The following SMARCC1 variants were observed in gnomAD, a reference collection of about 807,000 sequenced individuals.
The protein encoded by SMARCC1 is SWI/SNF complex subunit SMARCC1.
Under a neutral mutation model 147.4 loss-of-function variants are expected in SMARCC1, and 43 were observed. That is an observed-to-expected ratio of 0.29 (90% CI 0.23 to 0.38). SMARCC1 has a LOEUF of 0.38. Among genes scored for constraint, SMARCC1 ranks in the 10% least tolerant of loss-of-function variants. SMARCC1 has a pLI of 1.00. For missense variants in SMARCC1, 1,119 were observed against 1,381.1 expected (o/e 0.81, Z 3.01); for synonymous variants, 495 against 484.4 (o/e 1.02, Z -0.29).
chr3:47,727,397 C>T (rs573946161), intron 6 of SMARCC1, among the ~76,000 whole-genome samples: 2 of 151,712 alleles, frequency 1.3e-5, no homozygotes, highest in South Asian at 2.1e-4. Flanking sequence ...ATCCCAGCTA[C>T]TTAGGAGGCT....
At chr3:47,728,119 T>C (rs1300875586) in intron 6 of SMARCC1, among the ~76,000 whole-genome samples, 1 of 122,514 alleles carries the variant, frequency 8.2e-6, no homozygotes, top group Non-Finnish European at 1.6e-5. Context: ...TGGAGTCTCC[T>C]TCTGTCACCC....
At chr3:47,720,765 A>C (rs779004398) in intron 6 of SMARCC1, 30 bp from the exon 7 acceptor site, 12 of 1,441,830 alleles carry the variant, frequency 8.3e-6, no homozygotes. Context: ...AACTTTACTC[A>C]AACTGACAAA....
intron 26 of SMARCC1, among the ~76,000 whole-genome samples, chr3:47,607,508 T>G (rs1002843854): frequency 9.2e-5 from 14 of 152,154 alleles, no homozygotes; most frequent in African/African-American, 3.1e-4. Flanking sequence ...TATAAAAATC[T>G]TACAAGATGA....
At chr3:47,635,096 A>C in intron 24 of SMARCC1, 94 bp downstream of exon 24, 3 of 1,115,210 alleles carry the variant, frequency 2.7e-6, no homozygotes, top group Non-Finnish European at 3.9e-6. Context: ...TATTGGGAGC[A>C]AAGCTCTTTA....
At chr3:47,698,655 A>G (rs1469231801) in intron 11 of SMARCC1, among the ~76,000 whole-genome samples, 1 of 152,182 alleles carries the variant, frequency 6.6e-6, no homozygotes, top group East Asian at 1.9e-4. Context: ...AAGACCTCTA[A>G]TAAAACATAC....
Position 47,678,210 on chromosome 3 carries a change from C to G in SMARCC1, c.1559G>C (p.Cys520Ser). ...TCAAACAGTTTACCTCATCACAGCA[C>G]ACACATCTCCAGTCAAGTTCCTCCG... ...ACRRNLTGDV[C>S]AVMRVHAFLE... Residue 520 changes from cysteine to serine, a missense_variant, in exon 16 of 28, where the codon TGT becomes TCT. Transcript: ENST00000254480. The G allele has an allele frequency of 6.3e-7, 1 of 1,597,556 alleles. No individual in the cohort carries two copies. Among genetic ancestry groups the G allele is most frequent in the Non-Finnish European group, 8.6e-7 (1 of 1,167,930 alleles).
intron 24 of SMARCC1, among the ~76,000 whole-genome samples, chr3:47,633,498 C>T (rs973779606): frequency 4.6e-5 from 7 of 151,810 alleles, no homozygotes; most frequent in Non-Finnish European, 5.9e-5. Flanking sequence ...AATATCAGCA[C>T]TTTGGGAGGC....
intron 3 of SMARCC1, 117 bp downstream of exon 3, chr3:47,745,791 G>T: frequency 1.8e-6 from 1 of 548,110 alleles, no homozygotes; most frequent in South Asian, 3.8e-5. Context: ...GGTAAATTAG[G>T]GCTCTTGGTA....
chr3:47,669,988 A>G (rs1186270008), intron 19 of SMARCC1, among the ~76,000 whole-genome samples: 1 of 152,256 alleles, frequency 6.6e-6, no homozygotes, highest in African/African-American at 2.4e-5. Flanking sequence ...TTCATGGTGC[A>G]AAAGGAGCAG....
intron 7 of SMARCC1, among the ~76,000 whole-genome samples, chr3:47,717,051 A>G (rs1034588575): frequency 1.1e-4 from 16 of 152,018 alleles, no homozygotes; most frequent in African/African-American, 3.9e-4. Context: ...AACTCGAACT[A>G]CATAAAAAGA....
intron 24 of SMARCC1, among the ~76,000 whole-genome samples, chr3:47,633,910 C>A (rs1446195898): frequency 5.9e-5 from 9 of 151,440 alleles, no homozygotes; most frequent in Admixed American, 3.3e-4. Context: ...TTGAGCAGCT[C>A]AGAGACAAAG....
At chr3:47,687,705 G>A in intron 13 of SMARCC1, among the ~76,000 whole-genome samples, 1 of 152,160 alleles carries the variant, frequency 6.6e-6, no homozygotes, top group South Asian at 2.1e-4. Context: ...TGGGCTAAAA[G>A]TGATTCTCCC....
At chr3:47,726,485 C>T (rs780267830) in intron 6 of SMARCC1, among the ~76,000 whole-genome samples, 15 of 152,252 alleles carry the variant, frequency 9.9e-5, no homozygotes, top group African/African-American at 2.4e-4. Flanking sequence ...TCTGTTAAGA[C>T]GGTAAACATA....
At chr3:47,749,598 T>G (rs1036607485) in intron 2 of SMARCC1, among the ~76,000 whole-genome samples, 9 of 127,304 alleles carry the variant, frequency 7.1e-5, no homozygotes, top group Non-Finnish European at 1.2e-4. Flanking sequence ...GCTTGGGAAG[T>G]TGAGGCTACA....
At chr3:47,666,336 C>CT (rs1289377589) in intron 19 of SMARCC1, among the ~76,000 whole-genome samples, 2 of 152,204 alleles carry the variant, frequency 1.3e-5, no homozygotes, top group African/African-American at 4.8e-5. Context: ...GGACATACCT[C>CT]TAATCATAAA....
intron 18 of SMARCC1, among the ~76,000 whole-genome samples, chr3:47,671,184 A>ACAAAC (rs1413613890): frequency 2.1e-5 from 3 of 145,118 alleles, no homozygotes; most frequent in African/African-American, 7.7e-5. Flanking sequence ...AAAAAAAAAA[A>ACAAAC]AAAAAAAAAA....
chr3:47,731,000 T>C (rs1488978608), intron 5 of SMARCC1, among the ~76,000 whole-genome samples: 1 of 152,164 alleles, frequency 6.6e-6, no homozygotes, highest in Non-Finnish European at 1.5e-5. Context: ...AAGGTGGCTG[T>C]GGCAATTTCT....
rs571544368 is a variant in SMARCC1, at chr3:47,774,229, T to A, written c.196-1293A>T. The stretch of plus-strand genomic sequence containing the variant: ...TTACTTACAGCATATAAAAAGGCAA[T>A]CATTTACTTTTTTTTTTTTTTTTTT... On this transcript the variant is annotated intron_variant, in intron 1 of 27. Transcript: ENST00000254480. Among the ~76,000 whole-genome samples the A allele has an allele frequency of 1.7e-3, 223 of 131,144 alleles. 1 individual carries two copies. Among genetic ancestry groups the A allele is most frequent in the Admixed American group, 4.4e-3 (53 of 12,026 alleles). 86.0% of individuals were successfully genotyped at this position (131,144 alleles called of 152,430 possible).
At chr3:47,618,479 T>A (rs771213568) in intron 25 of SMARCC1, among the ~76,000 whole-genome samples, 1 of 151,800 alleles carries the variant, frequency 6.6e-6, no homozygotes, top group Non-Finnish European at 1.5e-5. Context: ...CCCCAGGAGT[T>A]TGTGGCTGCA....
Sources: allele counts gnomAD v4.1 joint callset (sites outside exome capture counted in the v4.1 genomes callset), GRCh38; gene constraint gnomAD v4.1.1; transcripts MANE v1.5; gene names NCBI Gene and HGNC (gene_info 2026-07-23, HGNC 2026-07-21).